Variants in SDK1 observed in about 807,000 individuals in gnomAD.
The protein encoded by SDK1 is protein sidekick-1.
In SDK1, 157 loss-of-function variants were observed where a neutral mutation model predicts 245.5. The ratio of observed to expected loss-of-function variants is 0.64; its 90% confidence interval spans 0.56 to 0.73. The LOEUF is 0.73. Among genes scored for constraint, SDK1 ranks in the 30% least tolerant of loss-of-function variants. SDK1 has a pLI of 0.00. For synonymous variants in SDK1, 1,647 were observed against 1,278.5 expected, an observed-to-expected ratio of 1.29 and a Z score of -6.15; for missense variants, 3,583 against 3,002.3, an observed-to-expected ratio of 1.19 and a Z score of -4.52.
At chr7:3,316,247 C>T (rs1231948855) in intron 1 of SDK1, among the ~76,000 whole-genome samples, 1 of 152,014 alleles carries the variant, frequency 6.6e-6, no homozygotes, top group Admixed American at 6.6e-5. Flanking sequence ...ATATAAGGGT[C>T]CTGAAAGATT....
chr7:3,791,051 C>G lies in SDK1; in HGVS notation c.714-30399C>G, dbSNP rs146085094. Reference sequence around the variant, plus strand: ...CAGTATCCTCATCGGTAAATTGGGTCTAACAGCAGTGCCTAGTTCCTGGGG... The same window carrying G: ...CAGTATCCTCATCGGTAAATTGGGTGTAACAGCAGTGCCTAGTTCCTGGGG... On this transcript the variant is annotated intron_variant, in intron 4 of 44. Transcript: ENST00000404826. Among the ~76,000 whole-genome samples the G allele has an allele frequency of 4.0e-3, 614 of 152,118 alleles. 15 individuals are homozygous for G. The highest frequency in any genetic ancestry group is 0.036 in the Admixed American group (551 of 15,272).
intron 10 of SDK1, among the ~76,000 whole-genome samples, 181 bp downstream of exon 10, chr7:3,967,615 A>G (rs1782179386): frequency 6.6e-6 from 1 of 152,234 alleles, no homozygotes; most frequent in Non-Finnish European, 1.5e-5. Context: ...TTCTTGGAAG[A>G]GAATTTCTCC....
intron 4 of SDK1, among the ~76,000 whole-genome samples, chr7:3,655,442 A>C (rs1027850609): frequency 1.7e-5 from 2 of 117,758 alleles, no homozygotes; most frequent in African/African-American, 6.7e-5. Context: ...AAAACAAAAC[A>C]AAACAAATAT....
chr7:4,061,590 T>C (rs1273080021), intron 19 of SDK1, among the ~76,000 whole-genome samples: 1 of 152,150 alleles, frequency 6.6e-6, no homozygotes, highest in African/African-American at 2.4e-5. Flanking sequence ...CTCAGGGATC[T>C]AGGACTAGAA....
chr7:4,193,326 T>C (rs1783339247), intron 35 of SDK1, among the ~76,000 whole-genome samples: 1 of 134,668 alleles, frequency 7.4e-6, no homozygotes, highest in East Asian at 2.0e-4. Flanking sequence ...TTATACAATA[T>C]ATAAATATAT....
intron 4 of SDK1, among the ~76,000 whole-genome samples, chr7:3,740,198 G>C (rs891838586): frequency 1.3e-5 from 2 of 152,144 alleles, no homozygotes; most frequent in Non-Finnish European, 2.9e-5. Flanking sequence ...GACGTACACT[G>C]TACGTCAAAT....
intron 44 of SDK1, among the ~76,000 whole-genome samples, chr7:4,256,122 G>A (rs967686749): frequency 6.6e-6 from 1 of 152,266 alleles, no homozygotes; most frequent in African/African-American, 2.4e-5. Flanking sequence ...GTTTCGCCAT[G>A]TTGGCCAGGC....
intron 19 of SDK1, among the ~76,000 whole-genome samples, chr7:4,060,566 A>G (rs1229111375): frequency 6.6e-6 from 1 of 151,968 alleles, no homozygotes; most frequent in East Asian, 1.9e-4. Context: ...AGTAGGTTGC[A>G]AAAATTTTCT....
chr7:3,701,605 A>C (rs1049097568), intron 4 of SDK1, among the ~76,000 whole-genome samples: 10 of 152,156 alleles, frequency 6.6e-5, no homozygotes, highest in Admixed American at 1.3e-4. Flanking sequence ...TCTCAAAAAA[A>C]CCCAAAAATA....
intron 38 of SDK1, among the ~76,000 whole-genome samples, chr7:4,212,042 T>C (rs1784540501): frequency 6.6e-6 from 1 of 152,200 alleles, no homozygotes; most frequent in Non-Finnish European, 1.5e-5. Flanking sequence ...AGTCCAGCTG[T>C]CTCTGCCTTA....
chr7:3,850,339 C>A (rs1048473905), intron 5 of SDK1, among the ~76,000 whole-genome samples: 1 of 152,168 alleles, frequency 6.6e-6, no homozygotes, highest in African/African-American at 2.4e-5. Flanking sequence ...CGTTGCTTGG[C>A]ATGGAGTAAG....
At chr7:4,039,934 C>T (rs1788492167) in intron 17 of SDK1, among the ~76,000 whole-genome samples, 2 of 152,162 alleles carry the variant, frequency 1.3e-5, no homozygotes, top group South Asian at 4.1e-4. Flanking sequence ...TACTTAGTCA[C>T]ATAGGTAAAA....
rs149266573 is a variant in SDK1 at position 3,396,424 on chromosome 7, G to C, written c.298+94540G>C. 4.7e-3 allele frequency among the ~76,000 whole-genome samples: 710 copies of C among 151,764 alleles called. 8 individuals are homozygous for C. Among genetic ancestry groups the C allele is most frequent in the African/African-American group, 0.016 (667 of 41,490 alleles). ...GGTAAGTTGATTGGCAGTGTTATAA[G>C]TCTTCTGTATTTTTGTTGATCTTCT... is the stretch of plus-strand genomic sequence containing the variant. On this transcript the variant is annotated intron_variant, in intron 1 of 44. Coordinates refer to ENST00000404826, the MANE Select transcript of SDK1 (RefSeq NM_152744.4).
chr7:3,581,529 C>A (rs1029529101), intron 1 of SDK1, among the ~76,000 whole-genome samples: 3 of 152,130 alleles, frequency 2.0e-5, no homozygotes, highest in South Asian at 2.1e-4. Flanking sequence ...GAAAGGGGAG[C>A]ACTTACACAC....
At chr7:3,723,733 T>C (rs531702113) in intron 4 of SDK1, among the ~76,000 whole-genome samples, 48 of 150,832 alleles carry the variant, frequency 3.2e-4, no homozygotes, top group African/African-American at 1.1e-3. Context: ...CACGTACATA[T>C]ACATATACAC....
chr7:3,751,454 G>A (rs1190267803), intron 4 of SDK1, among the ~76,000 whole-genome samples: 1 of 151,044 alleles, frequency 6.6e-6, no homozygotes, highest in Non-Finnish European at 1.5e-5. Flanking sequence ...TCGGCGGGGG[G>A]TGGGGGGAGG....
At chr7:3,568,791 T>G (rs898408899) in intron 1 of SDK1, among the ~76,000 whole-genome samples, 4 of 152,220 alleles carry the variant, frequency 2.6e-5, no homozygotes, top group African/African-American at 9.6e-5. Context: ...CTGTAATGGA[T>G]CTGATCACCG....
chr7:3,808,930 G>A (rs1779317233), intron 4 of SDK1, among the ~76,000 whole-genome samples: 1 of 152,202 alleles, frequency 6.6e-6, no homozygotes, highest in Middle Eastern at 3.2e-3. Flanking sequence ...GCGTGAGCAT[G>A]ATCTATCCCT....
At chr7:3,987,379 C>T (rs1783942523) in intron 14 of SDK1, 57 bp downstream of exon 14, 13 of 1,561,132 alleles carry the variant, frequency 8.3e-6, no homozygotes, top group South Asian at 7.9e-5. Context: ...TGTGTGTGCT[C>T]TTAATGTCCT....
Sources: gnomAD v4.1 joint callset for allele counts (sites outside exome capture counted in the v4.1 genomes callset) on GRCh38, gnomAD v4.1.1 for gene constraint, MANE v1.5 for transcripts, NCBI Gene and HGNC (gene_info 2026-07-23, HGNC 2026-07-21) for gene names.